Variants in SNX29 observed in about 807,000 individuals in gnomAD.
SNX29 encodes the protein sorting nexin 29.
In SNX29, 78 loss-of-function variants were observed where a neutral mutation model predicts 102.1. That is an observed-to-expected ratio of 0.76 (90% CI 0.64 to 0.92). The LOEUF (loss-of-function observed/expected upper bound fraction) is 0.92, where lower values mean the gene tolerates loss of function less well. SNX29 is among the 40% of genes least tolerant of loss of function. SNX29 has a pLI of 0.00. For synonymous variants in SNX29, 580 were observed against 414.5 expected, an observed-to-expected ratio of 1.40 and a Z score of -4.85; for missense variants, 1,280 against 1,061.7, an observed-to-expected ratio of 1.21 and a Z score of -2.86.
At chr16:12,463,997 C>T (rs1349537896) in intron 18 of SNX29, among the ~76,000 whole-genome samples, 1 of 152,142 alleles carries the variant, frequency 6.6e-6, no homozygotes, top group Admixed American at 6.5e-5. Context: ...CTTTGACCAA[C>T]ATCACCTATC....
chr16:12,029,294 A>G (rs1460397338), intron 4 of SNX29, among the ~76,000 whole-genome samples: 1 of 152,160 alleles, frequency 6.6e-6, no homozygotes, highest in East Asian at 1.9e-4. Flanking sequence ...AAGGAAGGGC[A>G]TTATTCATTG....
At chr16:12,180,978 C>T (rs2076371334) in intron 13 of SNX29, among the ~76,000 whole-genome samples, 1 of 152,166 alleles carries the variant, frequency 6.6e-6, no homozygotes, top group Non-Finnish European at 1.5e-5. Context: ...CTCGCTCCTG[C>T]TAAACTGTGA....
chr16:12,355,171 C>T (rs2151306349), intron 15 of SNX29, among the ~76,000 whole-genome samples: 1 of 152,142 alleles, frequency 6.6e-6, no homozygotes, highest in African/African-American at 2.4e-5. Context: ...GGAAACATAC[C>T]CCTTTGGCTA....
At chr16:12,227,100 A>G (rs973293277) in intron 14 of SNX29, among the ~76,000 whole-genome samples, 8 of 152,156 alleles carry the variant, frequency 5.3e-5, no homozygotes, top group Admixed American at 1.3e-4. Flanking sequence ...GGGCTTTTGT[A>G]CAAGCCAGCA....
chr16:12,365,716 A>G (rs1431448854), intron 16 of SNX29, among the ~76,000 whole-genome samples: 2 of 146,436 alleles, frequency 1.4e-5, no homozygotes, highest in African/African-American at 2.5e-5. Context: ...CTCTTTGGAA[A>G]CTTGTAATCT....
At position 12,195,373 on chromosome 16, in the gene SNX29, T is replaced by G. The variant is rs140327353; in HGVS notation, c.1596-4228T>G. Among the ~76,000 whole-genome samples the G allele has an allele frequency of 5.1e-4, 78 of 152,360 alleles. No individual in the cohort carries two copies. In the East Asian group the frequency reaches 0.015, roughly 29 times the overall value. On this transcript the variant is annotated intron_variant, in intron 13 of 20. Coordinates refer to ENST00000566228, the MANE Select transcript of SNX29 (RefSeq NM_032167.5). ...ATGGTTTTGAGACTTCTCTTTCTTT[T>G]CTAAATACAGTTTCTTAGAAGTAGA...
At chr16:12,460,844 A>G (rs2086748998) in intron 18 of SNX29, among the ~76,000 whole-genome samples, 1 of 152,092 alleles carries the variant, frequency 6.6e-6, no homozygotes, top group Admixed American at 6.5e-5. Context: ...TACTTTTAGT[A>G]GAGAGAATTT....
intron 15 of SNX29, among the ~76,000 whole-genome samples, chr16:12,344,023 G>A (rs1476703726): frequency 1.3e-5 from 2 of 152,144 alleles, no homozygotes; most frequent in Non-Finnish European, 2.9e-5. Flanking sequence ...CTGTTCTTGT[G>A]GTAGTGAGTC....
At chr16:12,290,968 A>G (rs985749917) in intron 15 of SNX29, among the ~76,000 whole-genome samples, 12 of 152,184 alleles carry the variant, frequency 7.9e-5, no homozygotes, top group African/African-American at 2.9e-4. Flanking sequence ...TTTTAAGAGC[A>G]AGAATTGAAT....
intron 13 of SNX29, among the ~76,000 whole-genome samples, chr16:12,158,013 T>C (rs970309183): frequency 5.3e-5 from 8 of 151,984 alleles, no homozygotes; most frequent in Admixed American, 4.6e-4. Flanking sequence ...CAGCATCTGG[T>C]ATAAGTTCTC....
chr16:12,397,285 C>A (rs766153857), intron 16 of SNX29, among the ~76,000 whole-genome samples: 14 of 152,218 alleles, frequency 9.2e-5, no homozygotes, highest in Admixed American at 7.2e-4. Context: ...TTCAGTCTTT[C>A]TTTTTTCACC....
chr16:12,279,080 T>G (rs1255357061), intron 15 of SNX29, among the ~76,000 whole-genome samples: 3 of 152,244 alleles, frequency 2.0e-5, no homozygotes, highest in Non-Finnish European at 4.4e-5. Context: ...CATGTTGTAA[T>G]GGTCCCTTGG....
chr16:12,129,397 C>T (rs368469432), intron 12 of SNX29, among the ~76,000 whole-genome samples: 3 of 152,316 alleles, frequency 2.0e-5, no homozygotes, highest in East Asian at 3.9e-4. Context: ...TGCTCGCAGG[C>T]AATCAGGGAC....
chr16:12,409,889 C>G (rs948603570), intron 18 of SNX29, among the ~76,000 whole-genome samples: 6 of 152,210 alleles, frequency 3.9e-5, no homozygotes, highest in African/African-American at 1.2e-4. Context: ...CTAGCGACCA[C>G]AAATGCTGGC....
intron 20 of SNX29, among the ~76,000 whole-genome samples, chr16:12,559,971 TCCA>T (rs911601487): frequency 2.4e-4 from 37 of 152,092 alleles, no homozygotes; most frequent in Non-Finnish European, 1.3e-4. Context: ...AGAGCAAGAC[TCCA>T]CCACGAAAAA....
intron 15 of SNX29, among the ~76,000 whole-genome samples, chr16:12,344,332 G>T (rs901063091): frequency 2.0e-5 from 3 of 152,162 alleles, no homozygotes; most frequent in African/African-American, 4.8e-5. Context: ...AAGGACTCTG[G>T]TTCCAATCCC....
chr16:12,080,122 C>G (rs1399032825), intron 11 of SNX29, among the ~76,000 whole-genome samples: 1 of 152,116 alleles, frequency 6.6e-6, no homozygotes, highest in African/African-American at 2.4e-5. Flanking sequence ...GCTCCCCCGA[C>G]CTTCACTAGA....
chr16:12,175,643 C>A (rs559714876), intron 13 of SNX29, among the ~76,000 whole-genome samples: 1 of 145,528 alleles, frequency 6.9e-6, no homozygotes, highest in East Asian at 2.1e-4. Context: ...CACAGCAAGA[C>A]TCCGTCTCAA....
rs574311274 is a variant in SNX29, at chr16:12,278,648, A to G, written c.1782+612A>G. Among the ~76,000 whole-genome samples the G allele has an allele frequency of 1.8e-4, 9 of 49,918 alleles. No individual in the cohort carries two copies. In the Admixed American group the frequency reaches 2.0e-3, roughly 11 times the overall value. 32.7% of individuals were successfully genotyped at this position (49,918 alleles called of 152,430 possible). A position where few individuals can be genotyped will look rare whatever the true frequency, so the allele number is the denominator to read the frequency against. On this transcript the variant is annotated intron_variant, in intron 15 of 20. Coordinates refer to ENST00000566228, the MANE Select transcript of SNX29 (RefSeq NM_032167.5). ...CCTGAGAGGGTTTTTATACGTCTCTATCTTGGTTCAGGTATGCATTACTGT... is the reference window on the plus strand; with the variant it reads ...CCTGAGAGGGTTTTTATACGTCTCTGTCTTGGTTCAGGTATGCATTACTGT...
Sources: gnomAD v4.1 joint callset for allele counts (sites outside exome capture counted in the v4.1 genomes callset) on GRCh38, gnomAD v4.1.1 for gene constraint, MANE v1.5 for transcripts, NCBI Gene and HGNC (gene_info 2026-07-23, HGNC 2026-07-21) for gene names.